The following UBE2H variants were observed in gnomAD, a reference collection of about 807,000 sequenced individuals.
UBE2H encodes the protein ubiquitin-conjugating enzyme E2 H.
UBE2H carries 3 observed loss-of-function variants against 29.0 expected under a neutral mutation model. That is an observed-to-expected ratio of 0.10 (90% confidence interval 0.05 to 0.27). UBE2H has a LOEUF of 0.27. UBE2H is among the 10% of genes least tolerant of loss of function. The probability of loss-of-function intolerance (pLI) is 1.00; values close to 1 mark genes in which losing one functional copy is unlikely to be tolerated. For missense variants in UBE2H, 68 were observed against 228.2 expected (o/e 0.30, Z 4.52); for synonymous variants, 69 against 82.9 (o/e 0.83, Z 0.91).
chr7:129,941,790 A>C (rs1221722921), intron 1 of UBE2H, among the ~76,000 whole-genome samples: 1 of 152,156 alleles, frequency 6.6e-6, no homozygotes, highest in Non-Finnish European at 1.5e-5. Flanking sequence ...AATTGTTTAT[A>C]ATTTATCAGA....
intron 1 of UBE2H, among the ~76,000 whole-genome samples, chr7:129,881,441 GT>G (rs1806250829): frequency 6.6e-6 from 1 of 152,212 alleles, no homozygotes; most frequent in Non-Finnish European, 1.5e-5. Context: ...GAGGTCAGGA[GT>G]TCGAGACCAG....
intron 1 of UBE2H, among the ~76,000 whole-genome samples, chr7:129,918,194 C>T (rs1348849052): frequency 6.6e-6 from 1 of 152,110 alleles, no homozygotes; most frequent in Non-Finnish European, 1.5e-5. Flanking sequence ...CATATCATCA[C>T]CTTTATATAT....
chr7:129,846,536 T>G (rs1584740427), intron 5 of UBE2H, among the ~76,000 whole-genome samples: 1 of 147,444 alleles, frequency 6.8e-6, no homozygotes, highest in Admixed American at 6.9e-5. Context: ...CCAGCCTGGG[T>G]GACAAAGCAA....
At chr7:129,892,325 C>T (rs1035245150) in intron 1 of UBE2H, among the ~76,000 whole-genome samples, 3 of 151,900 alleles carry the variant, frequency 2.0e-5, no homozygotes, top group African/African-American at 7.3e-5. Context: ...AATCTTGGCT[C>T]ACTGAAACCT....
chr7:129,942,012 C>T (rs1262651180), intron 1 of UBE2H, among the ~76,000 whole-genome samples: 1 of 151,454 alleles, frequency 6.6e-6, no homozygotes, highest in Non-Finnish European at 1.5e-5. Flanking sequence ...GAGTTGGAGA[C>T]CAGTTTGGCC....
intron 5 of UBE2H, among the ~76,000 whole-genome samples, chr7:129,845,848 A>AAGT (rs1358583212): frequency 1.3e-5 from 2 of 152,178 alleles, no homozygotes; most frequent in Non-Finnish European, 2.9e-5. Flanking sequence ...GCAAAAGGAG[A>AAGT]AGTATAACAT....
At chr7:129,889,749 A>T (rs983533351) in intron 1 of UBE2H, among the ~76,000 whole-genome samples, 5 of 152,172 alleles carry the variant, frequency 3.3e-5, no homozygotes, top group Non-Finnish European at 7.4e-5. Flanking sequence ...TTTGGGAAGC[A>T]AGGGCAGAAA....
chr7:129,951,692 T>C (rs1022831593), intron 1 of UBE2H, among the ~76,000 whole-genome samples: 2 of 152,144 alleles, frequency 1.3e-5, no homozygotes, highest in Non-Finnish European at 2.9e-5. Context: ...TCAGGGCAAG[T>C]ATTCCCCCAA....
At chr7:129,877,532 C>G (rs1376040100) in intron 3 of UBE2H, among the ~76,000 whole-genome samples, 1 of 152,116 alleles carries the variant, frequency 6.6e-6, no homozygotes, top group East Asian at 1.9e-4. Flanking sequence ...CTAGAGGAAA[C>G]AAGAACAGCT....
intron 1 of UBE2H, among the ~76,000 whole-genome samples, chr7:129,899,398 G>A (rs995225352): frequency 2.6e-5 from 4 of 152,160 alleles, no homozygotes; most frequent in African/African-American, 7.2e-5. Context: ...AGCTTTTATA[G>A]TAAAATAAAG....
At chr7:129,852,889 C>T (rs937350920) in intron 5 of UBE2H, among the ~76,000 whole-genome samples, 1 of 152,116 alleles carries the variant, frequency 6.6e-6, no homozygotes, top group Non-Finnish European at 1.5e-5. Context: ...CCACGCCTGG[C>T]TAATTTTGTA....
chr7:129,901,666 C>T (rs1158040070), intron 1 of UBE2H, among the ~76,000 whole-genome samples: 1 of 152,066 alleles, frequency 6.6e-6, no homozygotes, highest in East Asian at 1.9e-4. Flanking sequence ...GTGATCTCAG[C>T]TCACTGCAAC....
chr7:129,857,645 A>G, intron 4 of UBE2H, 82 bp from the exon 5 acceptor site: 1 of 1,421,880 alleles, frequency 7.0e-7, no homozygotes, highest in Non-Finnish European at 9.8e-7. Flanking sequence ...TTTACTTATC[A>G]AGAGAAATAC....
Position 129,952,746 on chromosome 7 carries a change from G to C in UBE2H, c.-191C>G, listed in dbSNP as rs995103233. On this transcript the variant is annotated 5_prime_UTR_variant, in exon 1 of 7. Coordinates refer to ENST00000355621, the MANE Select transcript of UBE2H (RefSeq NM_003344.4). ...CCGGGCACTGTCCGGCCGGGTGGGG[G>C]TGGGGACCCTGCGGCGCCCGGCTCG... 4 of 490,660 alleles carry C rather than the reference G, an allele frequency of 8.2e-6. No homozygotes were observed. The highest frequency in any genetic ancestry group is 4.6e-5 in the Admixed American group (1 of 21,518). 30.4% of individuals were successfully genotyped at this position (490,660 alleles called of 1,614,324 possible). A position where few individuals can be genotyped will look rare whatever the true frequency, so the allele number is the denominator to read the frequency against.
At chr7:129,875,141 T>A (rs1180201171) in intron 3 of UBE2H, among the ~76,000 whole-genome samples, 3 of 152,212 alleles carry the variant, frequency 2.0e-5, no homozygotes, top group Admixed American at 2.0e-4. Flanking sequence ...TATTTACTTT[T>A]ATAATAAAAG....
At chr7:129,927,388 A>C (rs904001991) in intron 1 of UBE2H, among the ~76,000 whole-genome samples, 1 of 152,118 alleles carries the variant, frequency 6.6e-6, no homozygotes, top group Non-Finnish European at 1.5e-5. Context: ...AAAAATACAA[A>C]AATTAGCCGG....
chr7:129,934,236 C>T (rs188713758), intron 1 of UBE2H, among the ~76,000 whole-genome samples: 64 of 152,112 alleles, frequency 4.2e-4, no homozygotes, highest in African/African-American at 1.4e-3. Context: ...GCAGGAGGAC[C>T]GCTTGAGCCT....
intron 1 of UBE2H, among the ~76,000 whole-genome samples, chr7:129,919,089 C>T (rs754867284): frequency 2.5e-4 from 4 of 15,904 alleles, no homozygotes; most frequent in Non-Finnish European, 5.3e-4. Flanking sequence ...GTCTCAAAAA[C>T]AAAAACAAAG....
chr7:129,934,809 G>C (rs1186761106), intron 1 of UBE2H, among the ~76,000 whole-genome samples: 1 of 149,528 alleles, frequency 6.7e-6, no homozygotes, highest in East Asian at 2.0e-4. Context: ...GGCTCACCCT[G>C]TAATCCCAGC....
Sources: allele counts gnomAD v4.1 joint callset (sites outside exome capture counted in the v4.1 genomes callset), GRCh38; gene constraint gnomAD v4.1.1; transcripts MANE v1.5; gene names NCBI Gene and HGNC (gene_info 2026-07-23, HGNC 2026-07-21).